Variants in COL22A1 observed in about 807,000 individuals in gnomAD.
COL22A1 encodes collagen type XXII alpha 1 chain.
A neutral mutation model predicts 248.9 loss-of-function variants in COL22A1; 221 were observed. The ratio of observed to expected loss-of-function variants is 0.89; its 90% CI spans 0.80 to 0.99. COL22A1 has a LOEUF of 0.99. Ranked by LOEUF, COL22A1 falls within the 50% of genes least tolerant of loss-of-function variation. The pLI is 0.00. For synonymous variants in COL22A1, 891 were observed against 793.4 expected, an observed-to-expected ratio of 1.12 and a Z score of -2.07; for missense variants, 2,240 against 2,179.0, an observed-to-expected ratio of 1.03 and a Z score of -0.56.
At chr8:138,671,739 A>G (rs989061275) in intron 41 of COL22A1, among the ~76,000 whole-genome samples, 1 of 152,222 alleles carries the variant, frequency 6.6e-6, no homozygotes. Context: ...TGTGTACCTT[A>G]CACTGAGGTC....
intron 30 of COL22A1, among the ~76,000 whole-genome samples, chr8:138,710,595 C>CTA (rs759019258): frequency 2.7e-4 from 9 of 33,160 alleles, no homozygotes; most frequent in African/African-American, 6.2e-4. Context: ...CATAATCTAT[C>CTA]TATCTATCTA....
At chr8:138,704,359 T>C (rs12546630) in intron 30 of COL22A1, among the ~76,000 whole-genome samples, 121,764 of 152,186 alleles carry the variant, frequency 0.8, 48,869 homozygotes, top group East Asian at 0.94. Context: ...AGTAGCCTAA[T>C]TGGGAGACAC....
Position 138,693,656 on chromosome 8 carries a change from G to T in COL22A1, c.2744C>A (p.Ala915Asp). Residue 915 changes from alanine (A) to aspartate (D), a missense_variant, in exon 35 of 65, where the codon GCT (alanine) becomes GAT (aspartate). Transcript: ENST00000303045. ...ATCATAGGGACTCACGGGGTTTCCA[G>T]CTGCTCCAGGAGCCCCATGTGCACC... is the stretch of plus-strand genomic sequence containing the variant. ...QEGAHGAPGA[A>D]GNPGAPGHVG... 6.3e-7 allele frequency: 1 copy of T among 1,585,950 alleles called. No homozygotes were observed. The highest frequency in any genetic ancestry group is 1.2e-5 in the South Asian group (1 of 86,634).
chr8:138,763,787 C>G (rs1416912345), intron 16 of COL22A1, among the ~76,000 whole-genome samples: 1 of 152,172 alleles, frequency 6.6e-6, no homozygotes, highest in African/African-American at 2.4e-5. Flanking sequence ...TTCAGTGTCC[C>G]CTCCTGACCT....
intron 3 of COL22A1, among the ~76,000 whole-genome samples, chr8:138,857,817 A>G (rs1309221522): frequency 6.6e-6 from 1 of 152,186 alleles, no homozygotes; most frequent in African/African-American, 2.4e-5. Context: ...GAGCTGCCTT[A>G]AGGTGCAACT....
At chr8:138,615,530 CAAAA>C (rs11329956) in intron 55 of COL22A1, among the ~76,000 whole-genome samples, 3 of 120,264 alleles carry the variant, frequency 2.5e-5, no homozygotes, top group Admixed American at 8.2e-5. Flanking sequence ...GACTCCATCT[CAAAA>C]AAAAAAAAAA....
At chr8:138,908,638 G>A (rs1180368774) in intron 1 of COL22A1, among the ~76,000 whole-genome samples, 2 of 152,044 alleles carry the variant, frequency 1.3e-5, no homozygotes, top group Admixed American at 6.5e-5. Context: ...CTGTAAAGGG[G>A]GTAACAGCAT....
rs117848012 is a variant in COL22A1, at chr8:138,833,526, C to T, written c.734-376G>A. The stretch of plus-strand genomic sequence containing the variant: ...CTTGCAGGCTGGCTCTGCAGGCGAA[C>T]GGCCACTCACGGCTTTCCTTCCTGC... On this transcript the variant is annotated intron_variant, in intron 4 of 64. Coordinates refer to ENST00000303045, the MANE Select transcript of COL22A1 (RefSeq NM_152888.3). 5.3e-5 allele frequency among the ~76,000 whole-genome samples: 8 copies of T among 152,292 alleles called. No individual in the cohort carries two copies. In the East Asian group the frequency reaches 1.5e-3, roughly 29 times the overall value.
chr8:138,768,770 T>C (rs560648725), intron 16 of COL22A1, among the ~76,000 whole-genome samples: 1 of 152,166 alleles, frequency 6.6e-6, no homozygotes, highest in South Asian at 2.1e-4. Context: ...ACCCTGTCTC[T>C]ACTAAAAATA....
chr8:138,827,695 C>T (rs1265656984), intron 5 of COL22A1, among the ~76,000 whole-genome samples: 1 of 151,900 alleles, frequency 6.6e-6, no homozygotes, highest in Non-Finnish European at 1.5e-5. Flanking sequence ...ATTGTTAATT[C>T]CCTTCTATGG....
At chr8:138,860,491 CAA>C (rs1231806447) in intron 3 of COL22A1, among the ~76,000 whole-genome samples, 1 of 152,178 alleles carries the variant, frequency 6.6e-6, no homozygotes, top group Non-Finnish European at 1.5e-5. Context: ...TGTGTGACCT[CAA>C]AGCCACCAAC....
chr8:138,619,712 G>A (rs1413224932), intron 52 of COL22A1, among the ~76,000 whole-genome samples: 1 of 152,040 alleles, frequency 6.6e-6, no homozygotes, highest in East Asian at 1.9e-4. Context: ...GGGTTTCCTG[G>A]GATGGTGCTG....
intron 12 of COL22A1, among the ~76,000 whole-genome samples, chr8:138,794,089 A>G (rs1396944627): frequency 6.6e-6 from 1 of 152,128 alleles, no homozygotes; most frequent in Admixed American, 6.5e-5. Flanking sequence ...GCAAGCAACA[A>G]TGAAAGTAGC....
chr8:138,869,216 T>C (rs937200668), intron 3 of COL22A1, among the ~76,000 whole-genome samples: 5 of 152,194 alleles, frequency 3.3e-5, no homozygotes, highest in Admixed American at 3.3e-4. Context: ...CTTCTAGGAA[T>C]CCACCTGCAG....
chr8:138,604,626 G>C, intron 59 of COL22A1, 108 bp downstream of exon 59: 3 of 867,968 alleles, frequency 3.5e-6, no homozygotes, highest in Non-Finnish European at 5.7e-6. Context: ...TGAAGGTAGA[G>C]AGTGTTAAGG....
In COL22A1 at chr8:138,812,985, G is replaced by A. The variant is rs757003563; in HGVS notation, c.1280C>T (p.Ser427Leu). The change falls in exon 8 of 65, where the codon TCG (serine) becomes TTG (leucine). Residue 427 changes from serine to leucine, a missense_variant. By Grantham distance (145) the Ser-to-Leu change is moderately radical. Coordinates refer to ENST00000303045, the MANE Select transcript of COL22A1 (RefSeq NM_152888.3). Reference protein sequence around the residue: ...DLQRIVIYCDSRHAELETCCD... With the variant: ...DLQRIVIYCDLRHAELETCCD... ...ACAAGTCTCCAATTCTGCGTGTCTC[G>A]AGTCACAATAGATCACAATCCGCTG... The A allele has an allele frequency of 4.2e-5, 67 of 1,613,780 alleles. No homozygotes were observed. Among genetic ancestry groups the A allele is most frequent in the Non-Finnish European group, 5.3e-5 (62 of 1,179,910 alleles).
intron 48 of COL22A1, 24 bp from the exon 49 acceptor site, chr8:138,635,087 C>G: frequency 3.2e-6 from 5 of 1,582,812 alleles, no homozygotes; most frequent in Non-Finnish European, 4.3e-6. Flanking sequence ...AGATGCAATT[C>G]TTTAAAATGA....
In COL22A1 at chr8:138,821,137, T is replaced by C; in HGVS notation, c.1244A>G (p.Asp415Gly). Reference protein sequence around the residue: ...GKRLYDSVPIDFDLQRIVIYC... With the variant: ...GKRLYDSVPIGFDLQRIVIYC... ...TGCAGAAGGCCCCCTGGTACTCACGTCAATGGGCACACTGTCGTAGAGGCG... is the reference window on the plus strand; with the variant it reads ...TGCAGAAGGCCCCCTGGTACTCACGCCAATGGGCACACTGTCGTAGAGGCG... Residue 415 changes from aspartate to glycine, a missense_variant and splice_region_variant, in exon 7 of 65, where the codon GAC becomes GGC. Transcript: ENST00000303045. 6.2e-7 allele frequency: 1 copy of C among 1,613,054 alleles called. No individual in the cohort carries two copies. The highest frequency in any genetic ancestry group is 1.1e-5 in the South Asian group (1 of 91,074).
intron 16 of COL22A1, among the ~76,000 whole-genome samples, chr8:138,771,882 G>A (rs1205978481): frequency 2.0e-5 from 3 of 152,148 alleles, no homozygotes; most frequent in African/African-American, 2.4e-5. Context: ...TGGGAAAGCC[G>A]ACTGCACCGC....
Sources: gnomAD v4.1 joint callset for allele counts (sites outside exome capture counted in the v4.1 genomes callset) on GRCh38, gnomAD v4.1.1 for gene constraint, MANE v1.5 for transcripts, NCBI Gene and HGNC (gene_info 2026-07-23, HGNC 2026-07-21) for gene names.